KRT72: variants seen among roughly 807,000 people sequenced by gnomAD.
The protein encoded by KRT72 is keratin, type II cytoskeletal 72.
In KRT72, 44 loss-of-function variants were observed where a neutral mutation model predicts 44.7. That is an observed-to-expected ratio of 0.98 (90% CI 0.77 to 1.27). The LOEUF (loss-of-function observed/expected upper bound fraction) is 1.27. KRT72 is among the 50% of genes most tolerant of loss of function. The pLI is 0.00. For synonymous variants in KRT72, 302 were observed against 280.4 expected (o/e 1.08, Z -0.77); for missense variants, 736 against 667.1 (o/e 1.10, Z -1.14).
intron 7 of KRT72, among the ~76,000 whole-genome samples, 163 bp from the exon 8 acceptor site, chr12:52,587,143 T>C (rs963280624): frequency 2.0e-5 from 3 of 151,952 alleles, no homozygotes; most frequent in East Asian, 1.9e-4. Flanking sequence ...CACCAAGAAA[T>C]AGAAAACTGA....
chr12:52,593,650 G>A (rs948783050), intron 2 of KRT72, among the ~76,000 whole-genome samples: 1 of 151,590 alleles, frequency 6.6e-6, no homozygotes, highest in Admixed American at 6.6e-5. Flanking sequence ...GCAAAATGTG[G>A]TGTATACATA....
chr12:52,596,675 T>C (rs1429534474), intron 2 of KRT72, among the ~76,000 whole-genome samples: 1 of 151,900 alleles, frequency 6.6e-6, no homozygotes, highest in Non-Finnish European at 1.5e-5. Flanking sequence ...CCTCAGCCTC[T>C]GAGTAGCTGG....
At chr12:52,601,953 C>T (rs893532186), upstream of KRT72, among the ~76,000 whole-genome samples, 2 of 152,218 alleles carry the variant, frequency 1.3e-5, no homozygotes, top group Non-Finnish European at 2.9e-5. Context: ...CTCCTCCTGC[C>T]TCCCAGGCTT....
chr12:52,591,359 T>A, intron 5 of KRT72, 105 bp downstream of exon 5: 1 of 1,126,940 alleles, frequency 8.9e-7, no homozygotes. Flanking sequence ...TGAGCCCAAA[T>A]ACACACACAC....
upstream of KRT72, chr12:52,601,466 C>A (rs977016403): frequency 5.9e-6 from 9 of 1,532,860 alleles, no homozygotes; most frequent in African/African-American, 2.8e-5. Flanking sequence ...TCGCAAGTAC[C>A]GGTGCTGGCC....
intron 2 of KRT72, among the ~76,000 whole-genome samples, chr12:52,596,600 G>A (rs2120793531): frequency 6.7e-6 from 1 of 150,112 alleles, no homozygotes; most frequent in East Asian, 1.9e-4. Flanking sequence ...CACCCAGACT[G>A]GAGTGCGGTG....
intron 7 of KRT72, 25 bp downstream of exon 7, chr12:52,587,606 G>GA (rs761447085): frequency 6.2e-6 from 10 of 1,612,348 alleles, no homozygotes; most frequent in Non-Finnish European, 7.6e-6. Flanking sequence ...AACTGGTCCC[G>GA]ACACAAGGGT....
intron 1 of KRT72, 74 bp from the exon 2 acceptor site, chr12:52,599,186 A>C: frequency 1.4e-6 from 2 of 1,441,782 alleles, no homozygotes; most frequent in Non-Finnish European, 1.9e-6. Context: ...GGGCCCCAAA[A>C]ACCAGAGGCA....
At chr12:52,593,528 A>G (rs779008406) in intron 2 of KRT72, among the ~76,000 whole-genome samples, 1 of 152,208 alleles carries the variant, frequency 6.6e-6, no homozygotes, top group Non-Finnish European at 1.5e-5. Context: ...TTATTTAAAG[A>G]GCTTACCTCT....
chr12:52,594,841 G>T (rs529777204), intron 2 of KRT72, among the ~76,000 whole-genome samples: 1 of 152,322 alleles, frequency 6.6e-6, no homozygotes, highest in South Asian at 2.1e-4. Context: ...TTCTGAGGCT[G>T]CAGATCTTTC....
Position 52,591,614 on chromosome 12 carries a change from G to C in KRT72, c.813C>G (p.Ile271Met). The C allele has an allele frequency of 6.2e-7, 1 of 1,611,760 alleles. No individual in the cohort carries two copies. The highest frequency in any genetic ancestry group is 2.2e-5 in the East Asian group (1 of 44,826). ...KCLYEGEITQ[I>M]QSHISDTSIV... ...TGGACGTGTCGCTGATGTGGGACTG[G>C]ATCTGAGTGATCTCCTGGGGACGGT... The change falls in exon 5 of 9, where the codon ATC (isoleucine) becomes ATG (methionine). Residue 271 changes from isoleucine (I) to methionine (M), a missense_variant. Coordinates refer to ENST00000293745, the MANE Select transcript of KRT72 (RefSeq NM_080747.3).
chr12:52,597,762 T>C (rs1308867867), intron 2 of KRT72, among the ~76,000 whole-genome samples: 1 of 152,242 alleles, frequency 6.6e-6, no homozygotes, highest in Non-Finnish European at 1.5e-5. Flanking sequence ...AATACACTAC[T>C]GTCTGGCTGG....
At chr12:52,600,139 G>C (rs1180815135) in intron 1 of KRT72, among the ~76,000 whole-genome samples, 1 of 151,964 alleles carries the variant, frequency 6.6e-6, no homozygotes, top group Non-Finnish European at 1.5e-5. Flanking sequence ...GCACACACCT[G>C]TAACTTTACA....
intron 2 of KRT72, among the ~76,000 whole-genome samples, chr12:52,594,020 G>T (rs1170567112): frequency 6.6e-6 from 1 of 152,200 alleles, no homozygotes; most frequent in Non-Finnish European, 1.5e-5. Flanking sequence ...CTGAAAAATG[G>T]TTAAGATGGT....
intron 1 of KRT72, among the ~76,000 whole-genome samples, chr12:52,599,560 T>C (rs1940340997): frequency 1.3e-5 from 2 of 152,188 alleles, no homozygotes; most frequent in East Asian, 3.9e-4. Flanking sequence ...AGTTACCACA[T>C]CTTCACAAAG....
At chr12:52,591,056 C>A in intron 5 of KRT72, 95 bp from the exon 6 acceptor site, 1 of 1,222,892 alleles carries the variant, frequency 8.2e-7, no homozygotes, top group Non-Finnish European at 1.1e-6. Context: ...TGCCCTAGTT[C>A]AACAAGATCC....
rs1263016773 is a variant in KRT72 at position 52,592,408 on chromosome 12, G to A, written c.786C>T (p.Cys262=). Residue 262 remains cysteine (C), a synonymous_variant, in exon 4 of 9, where the codon TGC becomes TGT. Transcript: ENST00000293745. ...GCCAAGTCCTTACCCCTTCATAAAG[G>A]CACTTGAAGAATTTAATCTCATCTG... The part of the protein sequence containing the change: ...SLTDEIKFFK[C]LYEGEITQIQ... 6.2e-7 allele frequency: 1 copy of A among 1,610,476 alleles called. No homozygotes were observed. The highest frequency in any genetic ancestry group is 1.7e-5 in the Admixed American group (1 of 59,980).
Position 52,601,162 on chromosome 12 carries a change from GA to G in KRT72, c.290del (p.Ile97ThrfsTer36). The G allele has an allele frequency of 1.9e-6, 3 of 1,613,534 alleles. No homozygotes were observed. In the East Asian group the frequency reaches 6.7e-5, roughly 36 times the overall value. The stretch of plus-strand genomic sequence containing the variant: ...GGCTCTTGTTGACGGTGACCTGAGG[GA>G]TGCCCCCGGGTGGGCACACGGAGGG... ...KCPSVCPPGG[I>X]PQVTVNKSLL... On this transcript the variant is annotated frameshift_variant, in exon 1 of 9. Transcript: ENST00000293745. LOFTEE classifies it high-confidence loss of function.
In KRT72 at chr12:52,585,874, T is replaced by C. The variant is rs1939718735; in HGVS notation, c.*108A>G. Reference sequence around the variant, plus strand: ...GGGAGAGGAAATGGGGTTGGGACTGTAGTGACAGACAAAGCATTTCTTGAC... The same window carrying C: ...GGGAGAGGAAATGGGGTTGGGACTGCAGTGACAGACAAAGCATTTCTTGAC... On this transcript the variant is annotated 3_prime_UTR_variant, in exon 9 of 9. Transcript: ENST00000293745. 4.0e-6 allele frequency: 4 copies of C among 1,012,436 alleles called. No individual in the cohort carries two copies. The highest frequency in any genetic ancestry group is 6.0e-6 in the Non-Finnish European group (4 of 665,724). The allele number at this position is 1,012,436 out of a possible 1,614,324, so 62.7% of individuals were successfully genotyped here.
Sources: gnomAD v4.1 joint callset for allele counts (sites outside exome capture counted in the v4.1 genomes callset) on GRCh38, gnomAD v4.1.1 for gene constraint, MANE v1.5 for transcripts, NCBI Gene and HGNC (gene_info 2026-07-23, HGNC 2026-07-21) for gene names.